TBC1D12: variants seen among roughly 807,000 people sequenced by gnomAD.
The protein encoded by TBC1D12 is TBC1 domain family member 12, also known as TBC1 domain family, member 12.
In TBC1D12, 56 loss-of-function variants were observed where a neutral mutation model predicts 86.7. The observed-to-expected ratio is 0.65, with a 90% CI of 0.52 to 0.81. The LOEUF (loss-of-function observed/expected upper bound fraction) is 0.81. Among genes scored for constraint, TBC1D12 ranks in the 30% least tolerant of loss-of-function variants. TBC1D12 has a pLI of 0.00. For synonymous variants in TBC1D12, 421 were observed against 411.7 expected (o/e 1.02, Z -0.27); for missense variants, 1,023 against 1,038.8 (o/e 0.98, Z 0.21).
intron 2 of TBC1D12, among the ~76,000 whole-genome samples, chr10:94,469,058 G>A (rs1435048702): frequency 6.6e-6 from 1 of 152,184 alleles, no homozygotes; most frequent in Admixed American, 6.5e-5. Flanking sequence ...TACGTTAGAT[G>A]TGAACTAAAA....
intron 1 of TBC1D12, among the ~76,000 whole-genome samples, chr10:94,429,756 C>T (rs2134072907): frequency 6.6e-6 from 1 of 151,380 alleles, no homozygotes; most frequent in South Asian, 2.1e-4. Flanking sequence ...TTTTTTGAGA[C>T]AGGTTCTTGC....
At chr10:94,448,335 T>C (rs1223329076) in intron 2 of TBC1D12, among the ~76,000 whole-genome samples, 1 of 152,176 alleles carries the variant, frequency 6.6e-6, no homozygotes, top group East Asian at 1.9e-4. Context: ...GTATGTGTAA[T>C]AGAGTATTTG....
intron 1 of TBC1D12, among the ~76,000 whole-genome samples, chr10:94,422,670 G>A (rs994788808): frequency 2.6e-5 from 4 of 152,108 alleles, no homozygotes; most frequent in South Asian, 2.1e-4. Flanking sequence ...AAACTCCTGC[G>A]CTCAAGCAGT....
In TBC1D12 at chr10:94,403,426, C is replaced by G; in HGVS notation, c.813C>G (p.Phe271Leu). The G allele has an allele frequency of 6.5e-7, 1 of 1,549,674 alleles. No homozygotes were observed. Among genetic ancestry groups the G allele is most frequent in the Non-Finnish European group, 8.7e-7 (1 of 1,147,720 alleles). The part of the protein sequence containing the change: ...EPRLGFSDIH[F>L]NSRNTFQVSR... ...GCCTGGGCTTTTCTGACATTCACTT[C>G]AACTCTCGCAACACGTTCCAGGTGA... is the stretch of plus-strand genomic sequence containing the variant. Residue 271 changes from phenylalanine (F) to leucine (L), a missense_variant, in exon 1 of 13, where the codon TTC (phenylalanine) becomes TTG (leucine). Phe to Leu is a conservative substitution (Grantham distance 22). Coordinates refer to ENST00000225235, the MANE Select transcript of TBC1D12 (RefSeq NM_015188.2).
At chr10:94,455,391 T>G (rs1001920202) in intron 2 of TBC1D12, among the ~76,000 whole-genome samples, 9 of 152,204 alleles carry the variant, frequency 5.9e-5, no homozygotes, top group African/African-American at 2.2e-4. Context: ...ATTAGAGTAA[T>G]GCTGGCTTCA....
chr10:94,523,192 C>CA (rs33935088), intron 11 of TBC1D12, among the ~76,000 whole-genome samples: 3,650 of 43,888 alleles, frequency 0.083, 437 homozygotes, highest in Middle Eastern at 0.19. Flanking sequence ...AACTCTATCT[C>CA]AAAAAAAAAA....
Position 94,403,461 on chromosome 10 carries a change from A to G in TBC1D12, c.848A>G (p.Gln283Arg), listed in dbSNP as rs868624427. ...SRNTFQVSRG[Q>R]SARDHLPPAG... ...AACACGTTCCAGGTGAGCCGCGGTC[A>G]GAGCGCCCGCGATCACCTGCCCCCG... is the stretch of plus-strand genomic sequence containing the variant. Residue 283 changes from glutamine (Q) to arginine (R), a missense_variant, in exon 1 of 13, where the codon CAG becomes CGG. By Grantham distance (43) the Gln-to-Arg change is conservative. Coordinates refer to ENST00000225235, the MANE Select transcript of TBC1D12 (RefSeq NM_015188.2). 6.5e-7 allele frequency: 1 copy of G among 1,543,292 alleles called. No individual in the cohort carries two copies. Among genetic ancestry groups the G allele is most frequent in the South Asian group, 1.2e-5 (1 of 83,506 alleles).
intron 1 of TBC1D12, among the ~76,000 whole-genome samples, chr10:94,432,650 A>C (rs1411104546): frequency 6.6e-6 from 1 of 152,136 alleles, no homozygotes; most frequent in Non-Finnish European, 1.5e-5. Flanking sequence ...TGTTTCCTGG[A>C]TGCATAAATT....
intron 1 of TBC1D12, among the ~76,000 whole-genome samples, chr10:94,435,030 A>C (rs989307154): frequency 6.6e-6 from 1 of 152,238 alleles, no homozygotes; most frequent in Non-Finnish European, 1.5e-5. Context: ...GTGATGAATT[A>C]GCTTTTGTTG....
intron 6 of TBC1D12, among the ~76,000 whole-genome samples, chr10:94,504,182 T>C (rs1190465421): frequency 6.6e-6 from 1 of 152,234 alleles, no homozygotes; most frequent in East Asian, 1.9e-4. Flanking sequence ...AGAATCAATT[T>C]TGCAAACAGG....
chr10:94,403,650 G>GAGAGTC (rs1554931129), intron 1 of TBC1D12, 66 bp downstream of exon 1: 3 of 1,298,374 alleles, frequency 2.3e-6, no homozygotes, highest in Admixed American at 8.2e-5. Context: ...GGGTCTTGGT[G>GAGAGTC]GGAGTCGGAG....
At chr10:94,513,614 G>A (rs866640250) in intron 9 of TBC1D12, among the ~76,000 whole-genome samples, 4 of 151,890 alleles carry the variant, frequency 2.6e-5, no homozygotes, top group South Asian at 4.2e-4. Flanking sequence ...AGAGTACAAT[G>A]GCGTGATCAT....
intron 2 of TBC1D12, among the ~76,000 whole-genome samples, chr10:94,469,650 A>T (rs1364532817): frequency 1.3e-5 from 2 of 151,972 alleles, no homozygotes; most frequent in Admixed American, 1.3e-4. Context: ...GAGTTTCAGC[A>T]TGCTGGCCAG....
chr10:94,436,864 C>T (rs749563812), intron 1 of TBC1D12, among the ~76,000 whole-genome samples: 7 of 151,234 alleles, frequency 4.6e-5, no homozygotes, highest in East Asian at 1.9e-4. Flanking sequence ...CGCACCACCA[C>T]GCACAGCTAA....
At chr10:94,473,534 A>C (rs758732218) in intron 2 of TBC1D12, among the ~76,000 whole-genome samples, 1 of 152,220 alleles carries the variant, frequency 6.6e-6, no homozygotes, top group Non-Finnish European at 1.5e-5. Flanking sequence ...TTAAGCAACT[A>C]AAAAGTGAAA....
chr10:94,494,555 T>C (rs1286822742), intron 4 of TBC1D12, among the ~76,000 whole-genome samples: 1 of 152,206 alleles, frequency 6.6e-6, no homozygotes, highest in Non-Finnish European at 1.5e-5. Flanking sequence ...CTTATTTTTA[T>C]TTTTTTGAGA....
chr10:94,417,060 G>A (rs2055008884), intron 1 of TBC1D12, among the ~76,000 whole-genome samples: 1 of 152,144 alleles, frequency 6.6e-6, no homozygotes, highest in Non-Finnish European at 1.5e-5. Flanking sequence ...AGAGGTGGCA[G>A]TACAGGGAAC....
intron 9 of TBC1D12, among the ~76,000 whole-genome samples, chr10:94,514,453 T>G (rs949424915): frequency 2.0e-5 from 3 of 152,204 alleles, no homozygotes; most frequent in Non-Finnish European, 4.4e-5. Context: ...GTAACCACTA[T>G]TCTACTCTTT....
intron 3 of TBC1D12, among the ~76,000 whole-genome samples, chr10:94,485,319 A>G (rs2056144575): frequency 6.6e-6 from 1 of 152,108 alleles, no homozygotes; most frequent in Admixed American, 6.6e-5. Context: ...GTTTTATCAA[A>G]TGTTTTCTCA....
Sources: allele counts gnomAD v4.1 joint callset (sites outside exome capture counted in the v4.1 genomes callset), GRCh38; gene constraint gnomAD v4.1.1; transcripts MANE v1.5; gene names NCBI Gene and HGNC (gene_info 2026-07-23, HGNC 2026-07-21).